Variants in DOCK5 observed in about 807,000 individuals in gnomAD.
DOCK5 encodes the protein dedicator of cytokinesis 5, also known as dedicator of cytokinesis protein 5.
In DOCK5, 142 loss-of-function variants were observed where a neutral mutation model predicts 251.8. The observed-to-expected ratio is 0.56, with a 90% CI of 0.49 to 0.65. The LOEUF is 0.65. Among genes scored for constraint, DOCK5 ranks in the 30% least tolerant of loss-of-function variants. DOCK5 has a pLI of 0.00. For synonymous variants in DOCK5, 842 were observed against 835.5 expected (o/e 1.01, Z -0.13); for missense variants, 2,111 against 2,312.3 (o/e 0.91, Z 1.79).
chr8:25,268,335 C>T (rs958565200), intron 2 of DOCK5, among the ~76,000 whole-genome samples: 1 of 152,058 alleles, frequency 6.6e-6, no homozygotes, highest in Non-Finnish European at 1.5e-5. Context: ...TATTTGTCTT[C>T]ATAAGATCTG....
Position 25,292,077 on chromosome 8 carries a change from C to A in DOCK5, c.375C>A (p.Ile125=), listed in dbSNP as rs142717615. ...RQLQQMTYSL[I]EWRSQILSGT... is the part of the protein sequence containing the mutation. ...TGCAGCAGATGACGTACAGCCTGAT[C>A]GAGTGGCGGTCCCAGATCCTGTCTG... The change falls in exon 6 of 52, where the codon ATC becomes ATA. Residue 125 remains isoleucine, a synonymous_variant. Coordinates refer to ENST00000276440, the MANE Select transcript of DOCK5 (RefSeq NM_024940.8). 6.2e-7 allele frequency: 1 copy of A among 1,600,128 alleles called. No homozygotes were observed. Among genetic ancestry groups the A allele is most frequent in the Admixed American group, 1.7e-5 (1 of 58,044 alleles).
chr8:25,202,738 A>G (rs1019550157), intron 1 of DOCK5, among the ~76,000 whole-genome samples: 2 of 152,354 alleles, frequency 1.3e-5, no homozygotes, highest in Admixed American at 1.3e-4. Context: ...AATTAGGCAC[A>G]GTAAGAGGTT....
intron 1 of DOCK5, among the ~76,000 whole-genome samples, chr8:25,232,420 A>G (rs1802689544): frequency 6.6e-6 from 1 of 152,222 alleles, no homozygotes; most frequent in Admixed American, 6.5e-5. Context: ...GTCTAAGTCT[A>G]TTTGGGATAC....
intron 3 of DOCK5, chr8:25,270,720 G>T (rs1803884980): frequency 1.5e-6 from 1 of 661,514 alleles, no homozygotes. Flanking sequence ...GGATCCTTTT[G>T]AACATGGCAG....
At chr8:25,233,890 C>T (rs1802731806) in intron 1 of DOCK5, among the ~76,000 whole-genome samples, 1 of 152,198 alleles carries the variant, frequency 6.6e-6, no homozygotes, top group African/African-American at 2.4e-5. Context: ...GAACTTCACA[C>T]ACACACCTAT....
chr8:25,390,736 G>C (rs552916223), intron 42 of DOCK5, among the ~76,000 whole-genome samples: 1 of 152,160 alleles, frequency 6.6e-6, no homozygotes, highest in Non-Finnish European at 1.5e-5. Flanking sequence ...AAAGCTGAAT[G>C]CTAACAGTAT....
intron 10 of DOCK5, 68 bp downstream of exon 10, chr8:25,302,522 C>CA (rs1314132648): frequency 9.2e-6 from 13 of 1,417,096 alleles, no homozygotes; most frequent in Non-Finnish European, 1.2e-5. Flanking sequence ...GGCGATTTCT[C>CA]AAAAAATTAA....
At chr8:25,282,340 T>C (rs1804215697) in intron 5 of DOCK5, among the ~76,000 whole-genome samples, 1 of 152,208 alleles carries the variant, frequency 6.6e-6, no homozygotes, top group Non-Finnish European at 1.5e-5. Context: ...ATCAATATTA[T>C]GTTTCACTAG....
intron 1 of DOCK5, among the ~76,000 whole-genome samples, chr8:25,233,382 T>C (rs528215372): frequency 6.6e-6 from 1 of 152,336 alleles, no homozygotes; most frequent in East Asian, 1.9e-4. Flanking sequence ...TATGTATTTT[T>C]TAGGTAGAAA....
intron 27 of DOCK5, 58 bp downstream of exon 27, chr8:25,351,884 A>G (rs1312070234): frequency 4.7e-6 from 7 of 1,484,234 alleles, no homozygotes; most frequent in Middle Eastern, 1.7e-4. Flanking sequence ...CCCTTTGCCT[A>G]TCGGGAGGCC....
At chr8:25,205,031 T>A (rs1181399045) in intron 1 of DOCK5, among the ~76,000 whole-genome samples, 5 of 151,354 alleles carry the variant, frequency 3.3e-5, no homozygotes, top group African/African-American at 9.7e-5. Context: ...GTGCTTTTTT[T>A]AAAAAAAATT....
At chr8:25,305,183 A>G (rs1435678312) in intron 11 of DOCK5, 2 of 152,232 alleles carry the variant, frequency 1.3e-5, no homozygotes, top group Non-Finnish European at 2.9e-5. Flanking sequence ...CACTGCAGAC[A>G]AGTAGAACAA....
At chr8:25,381,939 T>G (rs753346542) in intron 39 of DOCK5, among the ~76,000 whole-genome samples, 10 of 152,198 alleles carry the variant, frequency 6.6e-5, no homozygotes, top group Non-Finnish European at 1.3e-4. Flanking sequence ...TTCTGGGCAC[T>G]TATAATTTAC....
chr8:25,239,313 G>A (rs79224396), intron 1 of DOCK5, among the ~76,000 whole-genome samples: 2,555 of 144,246 alleles, frequency 0.018, 84 homozygotes, highest in African/African-American at 0.063. Flanking sequence ...TGGTGTGTGC[G>A]TGTATATGTG....
intron 1 of DOCK5, among the ~76,000 whole-genome samples, chr8:25,190,959 A>G (rs1425702718): frequency 6.6e-6 from 1 of 151,016 alleles, no homozygotes; most frequent in Non-Finnish European, 1.5e-5. Context: ...AATTTTTTGT[A>G]TTTTTTAGTA....
At chr8:25,389,288 A>G in intron 41 of DOCK5, 56 bp downstream of exon 41, 1 of 1,581,184 alleles carries the variant, frequency 6.3e-7, no homozygotes, top group Non-Finnish European at 8.6e-7. Flanking sequence ...GCACAGCCCC[A>G]GCTAAGCCAG....
At chr8:25,234,047 C>T (rs144988937) in intron 1 of DOCK5, among the ~76,000 whole-genome samples, 1 of 152,316 alleles carries the variant, frequency 6.6e-6, no homozygotes, top group African/African-American at 2.4e-5. Context: ...CAGAGCTTGT[C>T]CTCAGACTGG....
At chr8:25,261,822 T>G (rs1257247568) in intron 2 of DOCK5, among the ~76,000 whole-genome samples, 1 of 152,200 alleles carries the variant, frequency 6.6e-6, no homozygotes, top group Non-Finnish European at 1.5e-5. Flanking sequence ...GAGTTAGTTT[T>G]ACCTGTGAGT....
chr8:25,195,685 CT>C (rs1801706131), intron 1 of DOCK5, among the ~76,000 whole-genome samples: 1 of 152,354 alleles, frequency 6.6e-6, no homozygotes, highest in African/African-American at 2.4e-5. Context: ...CAAATAATCC[CT>C]GCTTAGAGAG....
Sources: allele counts gnomAD v4.1 joint callset (sites outside exome capture counted in the v4.1 genomes callset), GRCh38; gene constraint gnomAD v4.1.1; transcripts MANE v1.5; gene names NCBI Gene and HGNC (gene_info 2026-07-23, HGNC 2026-07-21).